Variants in PEG3 observed in about 807,000 individuals in gnomAD.
The protein encoded by PEG3 is paternally-expressed gene 3 protein.
Under a neutral mutation model 35.5 loss-of-function variants are expected in PEG3, and 23 were observed. The ratio of observed to expected loss-of-function variants is 0.65; its 90% CI spans 0.47 to 0.92. The LOEUF (loss-of-function observed/expected upper bound fraction) is 0.92, where lower values mean the gene tolerates loss of function less well. Ranked by LOEUF, PEG3 falls within the 40% of genes least tolerant of loss-of-function variation. The pLI is 0.00. For missense variants in PEG3, 1,960 were observed against 1,985.3 expected (o/e 0.99, Z 0.24); for synonymous variants, 707 against 697.0 (o/e 1.01, Z -0.23).
Position 56,816,642 on chromosome 19 carries a change from A to C in PEG3, c.1800T>G (p.Arg600=). The C allele has an allele frequency of 6.2e-7, 1 of 1,613,654 alleles. No homozygotes were observed. Among genetic ancestry groups the C allele is most frequent in the Non-Finnish European group, 8.5e-7 (1 of 1,179,646 alleles). The change falls in exon 10 of 10, where the codon CGT becomes CGG. Residue 600 remains arginine (R), a synonymous_variant. Coordinates refer to ENST00000326441, the MANE Select transcript of PEG3 (RefSeq NM_006210.3). ...TAAAGGTTTCCCCGCGCTCACGTTC[A>C]CGTTCACGTTCATGTTCACGCTCAT... ...KDNEREHERE[R]ERERGETFRP... is the part of the protein sequence containing the mutation.
rs760221157 is a variant in PEG3 at position 56,814,002 on chromosome 19, G to T, written c.4440C>A (p.Asp1480Glu). ...CTTCAATTCCCACACCGTCAGGCTCGTCGGCATCTCCCTCTGGCTCTTCAG... is the reference window on the plus strand; with the variant it reads ...CTTCAATTCCCACACCGTCAGGCTCTTCGGCATCTCCCTCTGGCTCTTCAG... ...GKAEEPEGDA[D>E]EPDGVGIEDP... The change falls in exon 10 of 10, where the codon GAC (aspartate) becomes GAA (glutamate). Residue 1480 changes from aspartate to glutamate, a missense_variant. Asp to Glu is a conservative substitution (Grantham distance 45). Transcript: ENST00000326441. The surrounding 1 kb of genome is among the most constrained non-coding windows in gnomAD (Gnocchi z 5.8). 1 of 1,614,000 alleles carries T rather than the reference G, an allele frequency of 6.2e-7. No homozygotes were observed. Among genetic ancestry groups the T allele is most frequent in the East Asian group, 2.2e-5 (1 of 44,848 alleles).
rs771837389 is a variant in PEG3, at chr19:56,816,699, G to C, written c.1743C>G (p.His581Gln). 6.2e-7 allele frequency: 1 copy of C among 1,614,072 alleles called. No individual in the cohort carries two copies. The highest frequency in any genetic ancestry group is 1.1e-5 in the South Asian group (1 of 91,074). Residue 581 changes from histidine (H) to glutamine (Q), a missense_variant, in exon 10 of 10, where the codon CAC (histidine) becomes CAG (glutamine). His to Gln is a conservative substitution (Grantham distance 24). Transcript: ENST00000326441. ...TFLHSSALIE[H>Q]QKIHFGDDKD... ...TGTCATCCCCAAAGTGGATTTTCTG[G>C]TGCTCAATCAGGGCAGAACTATGAA...
Position 56,816,175 on chromosome 19 carries a change from G to A in PEG3, c.2267C>T (p.Pro756Leu), listed in dbSNP as rs1008191430. 1 of 1,613,974 alleles carries A rather than the reference G, an allele frequency of 6.2e-7. No homozygotes were observed. Among genetic ancestry groups the A allele is most frequent in the Non-Finnish European group, 8.5e-7 (1 of 1,179,910 alleles). ...DEKAFTISSN[P>L]YENQKIPTKE... ...AGTGGGAATCTTCTGGTTTTCATAG[G>A]GGTTAGAGCTAATGGTGAACGCCTT... is the stretch of plus-strand genomic sequence containing the variant. The change falls in exon 10 of 10, where the codon CCC becomes CTC. Residue 756 changes from proline to leucine, a missense_variant. This residue lies in a region of PEG3 where 798 missense variants were observed against 782.4 expected (regional missense o/e 1.02). Transcript: ENST00000326441.
Position 56,818,588 on chromosome 19 carries a change from G to A in PEG3, c.772+12C>T, listed in dbSNP as rs777493391. On this transcript the variant is annotated intron_variant, in intron 8 of 9. Coordinates refer to ENST00000326441, the MANE Select transcript of PEG3 (RefSeq NM_006210.3). ...ACTGGACTGGGAGTGACTGAGAGAA[G>A]CAGCTGCTTACCGAGGGAGAGCAGC... The A allele has an allele frequency of 3.7e-6, 6 of 1,614,020 alleles. No homozygotes were observed. The highest frequency in any genetic ancestry group is 3.4e-6 in the Non-Finnish European group (4 of 1,179,950).
chr19:56,821,523 T>G, intron 7 of PEG3, 128 bp downstream of exon 7: 3 of 1,146,248 alleles, frequency 2.6e-6, no homozygotes, highest in Non-Finnish European at 3.7e-6. Context: ...GGGCTCCTCC[T>G]GGAGCGCTGG....
chr19:56,826,479 A>G lies in PEG3; in HGVS notation c.-162-16T>C, dbSNP rs1353943507. On this transcript the variant is annotated splice_polypyrimidine_tract_variant and intron_variant, in intron 2 of 9. Transcript: ENST00000326441. ...ACACAGGTATCTGCAGAAGTTTTAA[A>G]GGAAGAAATACACAGACTAAGAATA... 2.6e-5 allele frequency: 4 copies of G among 152,254 alleles called. No homozygotes were observed. The allele number at this position is 152,254 out of a possible 1,614,324, so 9.4% of individuals were successfully genotyped here.
In PEG3 at chr19:56,816,622, G is replaced by A. The variant is rs369904506; in HGVS notation, c.1820C>T (p.Thr607Ile). The stretch of plus-strand genomic sequence containing the variant: ...ATTAAGGGCTGGGCTGGGCCTAAAG[G>A]TTTCCCCGCGCTCACGTTCACGTTC... ...ERERERERGETFRPSPALNEF... is the reference protein window; with the variant it reads ...ERERERERGEIFRPSPALNEF... Residue 607 changes from threonine (T) to isoleucine (I), a missense_variant, in exon 10 of 10, where the codon ACC becomes ATC. Thr to Ile is a moderately conservative substitution (Grantham distance 89, BLOSUM62 -1). This residue lies in a region of PEG3 where 798 missense variants were observed against 782.4 expected (regional missense o/e 1.02). Coordinates refer to ENST00000326441, the MANE Select transcript of PEG3 (RefSeq NM_006210.3). The A allele has an allele frequency of 4.3e-6, 7 of 1,613,720 alleles. No homozygotes were observed. In the South Asian group the frequency reaches 6.6e-5, roughly 15 times the overall value.
rs2060116136 is a variant in PEG3 at position 56,817,778 on chromosome 19, G to A, written c.830C>T (p.Ser277Phe). 2.5e-6 allele frequency: 4 copies of A among 1,614,128 alleles called. No individual in the cohort carries two copies. The highest frequency in any genetic ancestry group is 1.7e-4 in the Middle Eastern group (1 of 6,060). The change falls in exon 9 of 10, where the codon TCC becomes TTC. Residue 277 changes from serine to phenylalanine, a missense_variant. Around this residue, in one of 5 missense-constraint regions of PEG3, gnomAD observed 613 missense variants for 577.1 expected, o/e 1.06. Transcript: ENST00000326441. ...SHMTQGHSSRSKRSAYPSTSR... is the reference protein window; with the variant it reads ...SHMTQGHSSRFKRSAYPSTSR... ...GGTGCTTGGGTAGGCACTTCTCTTG[G>A]ATCTTGATGAGTGGCCCTGCGTCAT... is the stretch of plus-strand genomic sequence containing the variant.
intron 2 of PEG3, chr19:56,833,330 G>A: frequency 2.6e-6 from 1 of 381,170 alleles, no homozygotes; most frequent in Non-Finnish European, 5.2e-6. Flanking sequence ...TTAAAGTCAG[G>A]AACCGAGGAG....
chr19:56,838,995 C>A (rs2146734507), intron 1 of PEG3, among the ~76,000 whole-genome samples: 1 of 152,234 alleles, frequency 6.6e-6, no homozygotes, highest in South Asian at 2.1e-4. Flanking sequence ...CATCTGCCGC[C>A]AACCAATCCG....
chr19:56,812,335 A>G lies in PEG3; in HGVS notation c.*1340T>C, dbSNP rs1396313071. On this transcript the variant is annotated 3_prime_UTR_variant, in exon 10 of 10. Coordinates refer to ENST00000326441, the MANE Select transcript of PEG3 (RefSeq NM_006210.3). ...CTCAGAAATACTCTAGGAGAGCTGA[A>G]AAAGAAGGAACAGATGTTAACAAAA... 2 of 982,970 alleles carry G rather than the reference A, an allele frequency of 2.0e-6. No individual in the cohort carries two copies. Among genetic ancestry groups the G allele is most frequent in the Non-Finnish European group, 2.4e-6 (2 of 827,830 alleles). 60.9% of individuals were successfully genotyped at this position (982,970 alleles called of 1,614,324 possible). A position where few individuals can be genotyped will look rare whatever the true frequency, so the allele number is the denominator to read the frequency against.
At position 56,813,664 on chromosome 19, in the gene PEG3, AC is replaced by A; in HGVS notation, c.*10del. On this transcript the variant is annotated 3_prime_UTR_variant, in exon 10 of 10. Transcript: ENST00000326441. ...CCTAGGTGAAGGTTTTCTAACCTTT[AC>A]CCCATGCCCTCAGCCAGTGTGGGTA... 6.2e-7 allele frequency: 1 copy of A among 1,607,020 alleles called. No individual in the cohort carries two copies.
rs376810323 is a variant in PEG3, at chr19:56,836,074, C to T, written c.-219G>A. 2 of 501,754 alleles carry T rather than the reference C, an allele frequency of 4.0e-6. No homozygotes were observed. The highest frequency in any genetic ancestry group is 8.0e-6 in the Non-Finnish European group (2 of 251,502). 31.1% of individuals were successfully genotyped at this position (501,754 alleles called of 1,614,324 possible). A position where few individuals can be genotyped will look rare whatever the true frequency, so the allele number is the denominator to read the frequency against. On this transcript the variant is annotated 5_prime_UTR_variant, in exon 2 of 10. Coordinates refer to ENST00000326441, the MANE Select transcript of PEG3 (RefSeq NM_006210.3). ...TCCCTCTTCCTCTCGCCAGTCGTCT[C>T]CAAGAAGGACGGAAGATCAAGAAGG...
Position 56,810,782 on chromosome 19 carries a change from C to G in PEG3, c.*2893G>C. Reference sequence around the variant, plus strand: ...CTGAAACAAGATAGAGGAAACAGATCAAGATGTTAGCAGTAGTTGTTAGGT... The same window carrying G: ...CTGAAACAAGATAGAGGAAACAGATGAAGATGTTAGCAGTAGTTGTTAGGT... On this transcript the variant is annotated 3_prime_UTR_variant, in exon 10 of 10. Coordinates refer to ENST00000326441, the MANE Select transcript of PEG3 (RefSeq NM_006210.3). 1 of 978,528 alleles carries G rather than the reference C, an allele frequency of 1.0e-6. No individual in the cohort carries two copies. The highest frequency in any genetic ancestry group is 1.2e-6 in the Non-Finnish European group (1 of 823,830). 60.6% of individuals were successfully genotyped at this position (978,528 alleles called of 1,614,324 possible). A position where few individuals can be genotyped will look rare whatever the true frequency, so the allele number is the denominator to read the frequency against.
Position 56,822,788 on chromosome 19 carries a change from C to T in PEG3, c.530G>A (p.Arg177Gln), listed in dbSNP as rs201188230. 579 of 1,613,984 alleles carry T rather than the reference C, an allele frequency of 3.6e-4. No homozygotes were observed. The highest frequency in any genetic ancestry group is 3.6e-4 in the Non-Finnish European group (422 of 1,180,022). ...GTTCCTGGTGTGGGACCAGCGGTCTCGTGGCTCCATGTCTCTGCTTCTGCC... is the reference window on the plus strand; with the variant it reads ...GTTCCTGGTGTGGGACCAGCGGTCTTGTGGCTCCATGTCTCTGCTTCTGCC... Reference protein sequence around the residue: ...RRGRSRDMEPRDRWSHTRNPR... With the variant: ...RRGRSRDMEPQDRWSHTRNPR... The change falls in exon 6 of 10, where the codon CGA becomes CAA. Residue 177 changes from arginine to glutamine, a missense_variant. Arg to Gln is a conservative substitution (Grantham distance 43). Around this residue, in one of 5 missense-constraint regions of PEG3, gnomAD observed 613 missense variants for 577.1 expected, o/e 1.06. Transcript: ENST00000326441.
At position 56,815,137 on chromosome 19, in the gene PEG3, G is replaced by T. The variant is rs760113517; in HGVS notation, c.3305C>A (p.Pro1102His). 3.1e-6 allele frequency: 5 copies of T among 1,613,802 alleles called. No individual in the cohort carries two copies. In the African/African-American group the frequency reaches 6.7e-5, roughly 22 times the overall value. ...CTCACATTCATAGATTTTGTCATCAGGGTCATCCTTCTGAGGGTCTTCCAT... is the reference window on the plus strand; with the variant it reads ...CTCACATTCATAGATTTTGTCATCATGGTCATCCTTCTGAGGGTCTTCCAT... The part of the protein sequence containing the change: ...SDMEDPQKDD[P>H]DDKIYECEDC... The change falls in exon 10 of 10, where the codon CCT becomes CAT. Residue 1102 changes from proline to histidine, a missense_variant. Transcript: ENST00000326441.
chr19:56,813,247 G>C lies in PEG3; in HGVS notation c.*428C>G, dbSNP rs926541309. 3 of 977,142 alleles carry C rather than the reference G, an allele frequency of 3.1e-6. No homozygotes were observed. Among genetic ancestry groups the C allele is most frequent in the African/African-American group, 3.5e-5 (2 of 56,872 alleles). 60.5% of individuals were successfully genotyped at this position (977,142 alleles called of 1,614,324 possible). On this transcript the variant is annotated 3_prime_UTR_variant, in exon 10 of 10. Transcript: ENST00000326441. Reference sequence around the variant, plus strand: ...GAATACCAGGTAAGGTACCTCTGCAGAGTAAACTGTAACTGTATATCATAT... The same window carrying C: ...GAATACCAGGTAAGGTACCTCTGCACAGTAAACTGTAACTGTATATCATAT...
intron 1 of PEG3, among the ~76,000 whole-genome samples, chr19:56,838,881 G>A (rs554372070): frequency 9.2e-5 from 14 of 152,122 alleles, no homozygotes; most frequent in Non-Finnish European, 1.5e-4. Context: ...ACACCTATGC[G>A]GCAAACCGCA....
intron 8 of PEG3, among the ~76,000 whole-genome samples, chr19:56,818,286 G>C (rs1432120876): frequency 6.6e-6 from 1 of 152,060 alleles, no homozygotes; most frequent in African/African-American, 2.4e-5. Flanking sequence ...TGGGAACTCA[G>C]GATCCCATCC....
Sources: gnomAD v4.1 joint callset for allele counts (sites outside exome capture counted in the v4.1 genomes callset) on GRCh38, gnomAD v4.1.1 for gene constraint, gnomAD v4.1.1 regional missense constraint, Gnocchi (gnomAD v3.1) non-coding constraint, MANE v1.5 for transcripts, NCBI Gene and HGNC (gene_info 2026-07-23, HGNC 2026-07-21) for gene names.